TWIST2: variants seen among roughly 807,000 people sequenced by gnomAD.
The protein encoded by TWIST2 is twist family bHLH transcription factor 2.
TWIST2 carries 1 observed loss-of-function variant against 11.6 expected under a neutral mutation model. That is an observed-to-expected ratio of 0.09 (90% CI 0.03 to 0.41). The LOEUF (loss-of-function observed/expected upper bound fraction) is 0.41. Among genes scored for constraint, TWIST2 ranks in the 10% least tolerant of loss-of-function variants. The pLI is 0.98. For synonymous variants in TWIST2, 87 were observed against 96.6 expected (o/e 0.90, Z 0.58); for missense variants, 168 against 226.4 (o/e 0.74, Z 1.66).
chr2:238,886,547 A>C (rs188758792), intron 1 of TWIST2, among the ~76,000 whole-genome samples: 242 of 151,392 alleles, frequency 1.6e-3, no homozygotes, highest in Non-Finnish European at 2.5e-3. Context: ...CTCACCCCAA[A>C]TCTAAGGAAG....
At chr2:238,858,608 C>T (rs1190959773) in intron 1 of TWIST2, among the ~76,000 whole-genome samples, 1 of 152,150 alleles carries the variant, frequency 6.6e-6, no homozygotes, top group Non-Finnish European at 1.5e-5. Context: ...CTCAGCCTTG[C>T]AGTTTCCCAT....
chr2:238,905,846 TGTGTGTGTGC>T (rs1182405723), intron 1 of TWIST2, among the ~76,000 whole-genome samples: 17,871 of 73,988 alleles, frequency 0.24, 1,680 homozygotes, highest in African/African-American at 0.47. Context: ...AAAAAGTGTG[TGTGTGTGTGC>T]GTGTGTGTGC....
Position 238,863,510 on chromosome 2 carries a change from C to T in TWIST2, c.*35+14777C>T, listed in dbSNP as rs1692471410. On this transcript the variant is annotated intron_variant, in intron 1 of 1. Coordinates refer to ENST00000612363, the MANE Select transcript of TWIST2 (RefSeq NM_001271893.4). The surrounding 1 kb of genome is among the most constrained non-coding windows in gnomAD (Gnocchi z 4.7). ...AGCTCTCCTGGCTGGCCTTTACCCG[C>T]TGGGCAGTTCCCAAATGGCGCTTCA... Among the ~76,000 whole-genome samples, 1 of 152,204 alleles carries T rather than the reference C, an allele frequency of 6.6e-6. No homozygotes were observed. Among genetic ancestry groups the T allele is most frequent in the Non-Finnish European group, 1.5e-5 (1 of 68,020 alleles).
intron 1 of TWIST2, among the ~76,000 whole-genome samples, chr2:238,904,259 A>G (rs1693314527): frequency 1.0e-5 from 1 of 96,722 alleles, no homozygotes; most frequent in East Asian, 3.8e-4. Flanking sequence ...GGGTATGTGC[A>G]TAATGTGAGG....
At chr2:238,848,858 T>TGC in intron 1 of TWIST2, 125 bp downstream of exon 1, 1 of 739,108 alleles carries the variant, frequency 1.4e-6, no homozygotes, top group Non-Finnish European at 1.8e-6. Flanking sequence ...TTGGATGCCG[T>TGC]GCGCTTTTCC....
rs138570961 is a variant in TWIST2, at chr2:238,883,891, A to G, written c.*36-25951A>G. On this transcript the variant is annotated intron_variant, in intron 1 of 1. Coordinates refer to ENST00000612363, the MANE Select transcript of TWIST2 (RefSeq NM_001271893.4). ...TGCATCTGCAAGGCTTCAGTAATTCATGGCCGATCAGAGTCGCTGGGTGAA... is the reference window on the plus strand; with the variant it reads ...TGCATCTGCAAGGCTTCAGTAATTCGTGGCCGATCAGAGTCGCTGGGTGAA... 1.6e-4 allele frequency among the ~76,000 whole-genome samples: 24 copies of G among 152,312 alleles called. No individual in the cohort carries two copies. The South Asian group carries it at 1.9e-3, about 12-fold the overall frequency.
At chr2:238,865,417 T>C (rs1692513433) in intron 1 of TWIST2, among the ~76,000 whole-genome samples, 1 of 152,214 alleles carries the variant, frequency 6.6e-6, no homozygotes, top group East Asian at 1.9e-4. Context: ...CGGGCACCTG[T>C]TGGCGTTCCT....
chr2:238,889,604 C>G (rs1271027466), intron 1 of TWIST2, among the ~76,000 whole-genome samples: 1 of 152,200 alleles, frequency 6.6e-6, no homozygotes, highest in Non-Finnish European at 1.5e-5. Flanking sequence ...GTTGTCTCAT[C>G]TCAAATAAAA....
chr2:238,851,910 C>G (rs982927228), intron 1 of TWIST2, among the ~76,000 whole-genome samples: 2 of 151,324 alleles, frequency 1.3e-5, no homozygotes, highest in Non-Finnish European at 3.0e-5. Context: ...GCAGTCCTTT[C>G]GGCCTTGCAT....
intron 1 of TWIST2, among the ~76,000 whole-genome samples, chr2:238,869,738 G>A (rs568814810): frequency 5.9e-5 from 9 of 152,202 alleles, no homozygotes; most frequent in Non-Finnish European, 1.3e-4. Context: ...GAGGCCAAGA[G>A]TTTGAGGCCA....
intron 1 of TWIST2, among the ~76,000 whole-genome samples, chr2:238,890,128 G>A (rs1020800585): frequency 6.6e-6 from 1 of 152,206 alleles, no homozygotes; most frequent in Non-Finnish European, 1.5e-5. Flanking sequence ...TGGGGCAGTG[G>A]AGCATCCGGA....
chr2:238,894,306 C>T (rs1693181588), intron 1 of TWIST2, among the ~76,000 whole-genome samples: 1 of 152,084 alleles, frequency 6.6e-6, no homozygotes, highest in African/African-American at 2.4e-5. Flanking sequence ...TCTTGTTGCC[C>T]CCGAGATGAC....
rs1246161248 is a variant in TWIST2, at chr2:238,864,261, G to A, written c.*35+15528G>A. Among the ~76,000 whole-genome samples the A allele has an allele frequency of 6.6e-6, 1 of 152,226 alleles. No homozygotes were observed. The highest frequency in any genetic ancestry group is 1.5e-5 in the Non-Finnish European group (1 of 68,040). On this transcript the variant is annotated intron_variant, in intron 1 of 1. Transcript: ENST00000612363. This position sits in a 1 kb window ranked among gnomAD's most constrained non-coding sequence, Gnocchi z 4.7. The stretch of plus-strand genomic sequence containing the variant: ...CTTCTCCACATTACACCCCAAGCAC[G>A]CGACTGTGAGCGGCGATCGGGGCCT...
chr2:238,856,982 C>T (rs1039563432), intron 1 of TWIST2, among the ~76,000 whole-genome samples: 10 of 152,110 alleles, frequency 6.6e-5, no homozygotes, highest in African/African-American at 2.2e-4. Context: ...CAGAGGGGGC[C>T]GTGTCTCTGA....
chr2:238,881,567 T>G (rs542251505), intron 1 of TWIST2, among the ~76,000 whole-genome samples: 1 of 152,104 alleles, frequency 6.6e-6, no homozygotes, highest in Non-Finnish European at 1.5e-5. Context: ...GCGTTAGAAT[T>G]TATTAGTATT....
chr2:238,888,099 C>T (rs1693073307), intron 1 of TWIST2, among the ~76,000 whole-genome samples: 1 of 152,206 alleles, frequency 6.6e-6, no homozygotes, highest in African/African-American at 2.4e-5. Flanking sequence ...AAAATGTTCC[C>T]AAGGTGTAAC....
rs151274887 is a variant in TWIST2, at chr2:238,849,761, T to C, written c.*35+1028T>C. Among the ~76,000 whole-genome samples the C allele has an allele frequency of 9.1e-3, 1,391 of 152,296 alleles. 10 individuals are homozygous for C. Among genetic ancestry groups the C allele is most frequent in the Middle Eastern group, 0.038 (11 of 292 alleles). On this transcript the variant is annotated intron_variant, in intron 1 of 1. Transcript: ENST00000612363. Reference sequence around the variant, plus strand: ...CACCGGGTCCTTTTCACCAGACACCTTCCAAGTCCCTTTAGACAAGCTCGA... The same window carrying C: ...CACCGGGTCCTTTTCACCAGACACCCTCCAAGTCCCTTTAGACAAGCTCGA...
At chr2:238,849,641 C>T (rs1410766237) in intron 1 of TWIST2, among the ~76,000 whole-genome samples, 3 of 152,198 alleles carry the variant, frequency 2.0e-5, no homozygotes, top group Non-Finnish European at 4.4e-5. Flanking sequence ...AGGCTGTGCG[C>T]GCCGGGCCCT....
At chr2:238,908,810 G>A (rs1179863790) in intron 1 of TWIST2, among the ~76,000 whole-genome samples, 14 of 151,022 alleles carry the variant, frequency 9.3e-5, no homozygotes, top group African/African-American at 3.2e-4. Context: ...CGTGTGTAGT[G>A]TGCGGTATGT....
Sources: allele counts gnomAD v4.1 joint callset (sites outside exome capture counted in the v4.1 genomes callset), GRCh38; gene constraint gnomAD v4.1.1; non-coding constraint Gnocchi (gnomAD v3.1); transcripts MANE v1.5; gene names NCBI Gene and HGNC (gene_info 2026-07-23, HGNC 2026-07-21).